The following RYR3 variants were observed in gnomAD, a reference collection of about 807,000 sequenced individuals.
The protein encoded by RYR3 is ryanodine receptor 3.
A neutral mutation model predicts 584.3 loss-of-function variants in RYR3; 207 were observed. The observed-to-expected ratio is 0.35, with a 90% CI of 0.32 to 0.40. RYR3 has a LOEUF of 0.40. RYR3 is among the 10% of genes least tolerant of loss of function. The pLI, the probability that RYR3 is intolerant of heterozygous loss-of-function variation, is 1.00. For synonymous variants in RYR3, 2,416 were observed against 2,248.5 expected (o/e 1.07, Z -2.11); for missense variants, 5,616 against 6,089.2 (o/e 0.92, Z 2.59).
intron 82 of RYR3, 115 bp from the exon 83 acceptor site, chr15:33,826,137 T>C: frequency 2.0e-6 from 2 of 1,013,638 alleles, no homozygotes; most frequent in South Asian, 2.7e-5. Flanking sequence ...GTAGCTTTAA[T>C]AAAGCTATCA....
chr15:33,594,084 G>T (rs2059261926), intron 16 of RYR3, among the ~76,000 whole-genome samples: 1 of 152,294 alleles, frequency 6.6e-6, no homozygotes, highest in South Asian at 2.1e-4. Context: ...TAAACCTGGG[G>T]CTTCTGCACG....
intron 1 of RYR3, among the ~76,000 whole-genome samples, chr15:33,446,235 A>G (rs1159612483): frequency 6.6e-6 from 1 of 152,170 alleles, no homozygotes; most frequent in Non-Finnish European, 1.5e-5. Context: ...GGACCAGGCA[A>G]GAGATTGAGA....
At chr15:33,849,579 C>T (rs1217338795) in intron 94 of RYR3, 1 of 152,138 alleles carries the variant, frequency 6.6e-6, no homozygotes, top group Non-Finnish European at 1.5e-5. Flanking sequence ...ACTCTAATGA[C>T]AGTTGATTCA....
rs74244056 is a variant in RYR3, at chr15:33,845,552, C to G, written c.13497+490C>G. Among the ~76,000 whole-genome samples the G allele has an allele frequency of 2.6e-3, 403 of 152,298 alleles. 8 individuals carry two copies. In the East Asian group the frequency reaches 0.048, roughly 18 times the overall value. On this transcript the variant is annotated intron_variant, in intron 93 of 103. Coordinates refer to ENST00000634891, the MANE Select transcript of RYR3 (RefSeq NM_001036.6). ...TACAAGCATGAGCCACTGCGCCCAG[C>G]CCCTAAGTCCTTTAACTCAGAATCT...
chr15:33,699,584 A>G, intron 40 of RYR3, 120 bp from the exon 41 acceptor site: 1 of 821,688 alleles, frequency 1.2e-6, no homozygotes. Flanking sequence ...AAAAAATGGA[A>G]GGAGAAAGTT....
At chr15:33,707,974 T>C (rs2066837864) in intron 43 of RYR3, among the ~76,000 whole-genome samples, 1 of 152,232 alleles carries the variant, frequency 6.6e-6, no homozygotes, top group Non-Finnish European at 1.5e-5. Context: ...CTTTTCTCCT[T>C]GTCCTGGTTA....
intron 1 of RYR3, among the ~76,000 whole-genome samples, chr15:33,360,335 T>A (rs1974590616): frequency 6.6e-6 from 1 of 152,180 alleles, no homozygotes; most frequent in Non-Finnish European, 1.5e-5. Flanking sequence ...TAGATTAGGT[T>A]TGTCTTTTCT....
At chr15:33,757,402 A>G in intron 59 of RYR3, 73 bp from the exon 60 acceptor site, 1 of 1,509,222 alleles carries the variant, frequency 6.6e-7, no homozygotes, top group Non-Finnish European at 9.0e-7. Flanking sequence ...CACTGAAAAT[A>G]AACACTTTTA....
At chr15:33,529,474 G>A (rs927207545) in intron 3 of RYR3, among the ~76,000 whole-genome samples, 3 of 152,082 alleles carry the variant, frequency 2.0e-5, no homozygotes, top group South Asian at 2.1e-4. Context: ...CACGGGAGAC[G>A]GGCAGAGCCT....
At chr15:33,372,505 C>T (rs1210202060) in intron 1 of RYR3, among the ~76,000 whole-genome samples, 3 of 151,792 alleles carry the variant, frequency 2.0e-5, no homozygotes, top group Non-Finnish European at 4.4e-5. Flanking sequence ...GCTGGGACTA[C>T]AGGCGCCCGC....
intron 12 of RYR3, among the ~76,000 whole-genome samples, chr15:33,578,715 G>A (rs534989223): frequency 4.0e-5 from 6 of 151,514 alleles, no homozygotes; most frequent in Non-Finnish European, 7.4e-5. Context: ...CGTGGCACAC[G>A]TCTGTGTAAC....
chr15:33,745,505 T>C (rs1302334200), intron 52 of RYR3, among the ~76,000 whole-genome samples: 1 of 152,116 alleles, frequency 6.6e-6, no homozygotes, highest in Non-Finnish European at 1.5e-5. Context: ...AATCAGGGGC[T>C]CTTACTTATC....
intron 2 of RYR3, among the ~76,000 whole-genome samples, chr15:33,485,968 G>A (rs1567344411): frequency 6.6e-6 from 1 of 152,172 alleles, no homozygotes; most frequent in Non-Finnish European, 1.5e-5. Flanking sequence ...TAATGAGTGA[G>A]CGAGCAAGTT....
At chr15:33,336,458 GAGAGAGAGAGAGAGAGAGAGAGAGAGA>G (rs1971028024) in intron 1 of RYR3, among the ~76,000 whole-genome samples, 1 of 30,446 alleles carries the variant, frequency 3.3e-5, no homozygotes. Context: ...GAGAGAGAGA[GAGAGAGAGAGAGAGAGAGAGAGAGAGA>G]GAAAGAAAGA....
chr15:33,737,175 C>G (rs1214450301), intron 49 of RYR3, among the ~76,000 whole-genome samples: 1 of 152,142 alleles, frequency 6.6e-6, no homozygotes, highest in African/African-American at 2.4e-5. Flanking sequence ...CTTACTGCAA[C>G]CTTGAGCTCC....
chr15:33,625,840 G>GA (rs1316115966), intron 20 of RYR3, among the ~76,000 whole-genome samples: 5 of 152,156 alleles, frequency 3.3e-5, no homozygotes, highest in Admixed American at 6.5e-5. Flanking sequence ...TCTCCCCTGG[G>GA]AAAAAAATTG....
At chr15:33,489,769 A>G (rs562775485) in intron 2 of RYR3, among the ~76,000 whole-genome samples, 16 of 152,340 alleles carry the variant, frequency 1.1e-4, no homozygotes, top group Admixed American at 8.5e-4. Context: ...TAGCTGAGAC[A>G]TCACCATGCT....
At chr15:33,317,767 C>G (rs945135217) in intron 1 of RYR3, among the ~76,000 whole-genome samples, 3 of 152,172 alleles carry the variant, frequency 2.0e-5, no homozygotes, top group Non-Finnish European at 4.4e-5. Flanking sequence ...TCCTCACATG[C>G]ACTTTTCCCC....
chr15:33,550,792 A>T (rs542475633), intron 10 of RYR3, among the ~76,000 whole-genome samples: 1 of 152,326 alleles, frequency 6.6e-6, no homozygotes, highest in Non-Finnish European at 1.5e-5. Flanking sequence ...ATTTGTTTAA[A>T]TTTTTTTAAT....
Sources: gnomAD v4.1 joint callset for allele counts (sites outside exome capture counted in the v4.1 genomes callset) on GRCh38, gnomAD v4.1.1 for gene constraint, MANE v1.5 for transcripts, NCBI Gene and HGNC (gene_info 2026-07-23, HGNC 2026-07-21) for gene names.